The following NFATC3 variants were observed in gnomAD, a reference collection of about 807,000 sequenced individuals.
NFATC3 encodes the protein nuclear factor of activated T-cells, cytoplasmic 3.
In NFATC3, 46 loss-of-function variants were observed where a neutral mutation model predicts 98.6. The ratio of observed to expected loss-of-function variants is 0.47; its 90% CI spans 0.37 to 0.60. The LOEUF is 0.60. NFATC3 is among the 20% of genes least tolerant of loss of function. NFATC3 has a pLI of 0.00. For synonymous variants in NFATC3, 512 were observed against 472.2 expected, an observed-to-expected ratio of 1.08 and a Z score of -1.09; for missense variants, 1,256 against 1,295.5, an observed-to-expected ratio of 0.97 and a Z score of 0.47.
At chr16:68,117,450 C>T (rs2036340165) in intron 1 of NFATC3, among the ~76,000 whole-genome samples, 1 of 152,174 alleles carries the variant, frequency 6.6e-6, no homozygotes, top group African/African-American at 2.4e-5. Context: ...CCCTAGCTCT[C>T]ATTATTCTGC....
At chr16:68,097,394 A>G (rs942545255) in intron 1 of NFATC3, among the ~76,000 whole-genome samples, 4 of 152,260 alleles carry the variant, frequency 2.6e-5, no homozygotes, top group Admixed American at 1.3e-4. Context: ...GTGTATGTCT[A>G]GTTTGAAGCA....
At chr16:68,128,289 T>A (rs2036943515) in intron 3 of NFATC3, among the ~76,000 whole-genome samples, 1 of 152,156 alleles carries the variant, frequency 6.6e-6, no homozygotes, top group Non-Finnish European at 1.5e-5. Context: ...TATAGTTCTT[T>A]ACGTATAAAG....
In NFATC3 at chr16:68,122,656, G is replaced by T. The variant is rs1017275183; in HGVS notation, c.773G>T (p.Arg258Met). The T allele has an allele frequency of 1.9e-6, 3 of 1,614,000 alleles. No individual in the cohort carries two copies. Among genetic ancestry groups the T allele is most frequent in the Non-Finnish European group, 2.5e-6 (3 of 1,180,046 alleles). The change falls in exon 2 of 10, where the codon AGG becomes ATG. Residue 258 changes from arginine to methionine, a missense_variant. This residue lies in a region of NFATC3 where 464 missense variants were observed against 465.7 expected (regional missense o/e 1.00). Transcript: ENST00000346183. Reference protein sequence around the residue: ...SVTDENWLSPRPASGPSSRPT... With the variant: ...SVTDENWLSPMPASGPSSRPT... The stretch of plus-strand genomic sequence containing the variant: ...ACTGATGAGAATTGGCTGAGCCCCA[G>T]GCCAGCCTCAGGACCCTCATCAAGG...
chr16:68,168,957 A>G (rs982672289), intron 5 of NFATC3, among the ~76,000 whole-genome samples: 2 of 152,108 alleles, frequency 1.3e-5, no homozygotes, highest in East Asian at 1.9e-4. Context: ...TTTAAAAAAT[A>G]TATTCTTTGT....
chr16:68,136,553 G>A (rs1264901713), intron 3 of NFATC3, among the ~76,000 whole-genome samples: 1 of 152,168 alleles, frequency 6.6e-6, no homozygotes, highest in Non-Finnish European at 1.5e-5. Context: ...ATAGGTGTGA[G>A]CCACCACGCC....
At position 68,140,648 on chromosome 16, in the gene NFATC3, AT is replaced by A. The variant is rs553123270; in HGVS notation, c.1401+14049del. On this transcript the variant is annotated intron_variant, in intron 3 of 9. Coordinates refer to ENST00000346183, the MANE Select transcript of NFATC3 (RefSeq NM_173165.3). ...TAAAATTAATACAAAATGATCATGG[AT>A]TTTTTTTTTTAAATTGGAGATATTT... is the stretch of plus-strand genomic sequence containing the variant. 8.1e-4 allele frequency among the ~76,000 whole-genome samples: 121 copies of A among 148,736 alleles called. 1 individual carries two copies. The highest frequency in any genetic ancestry group is 2.0e-3 in the African/African-American group (83 of 40,736).
chr16:68,221,672 G>T, intron 9 of NFATC3: 1 of 825,170 alleles, frequency 1.2e-6, no homozygotes, highest in Non-Finnish European at 1.5e-6. Context: ...GTATAGTTGA[G>T]TATAGTCCGC....
chr16:68,221,379 G>T, intron 9 of NFATC3: 1 of 1,541,122 alleles, frequency 6.5e-7, no homozygotes, highest in South Asian at 1.2e-5. Flanking sequence ...TCAAGTTATT[G>T]CTAAAGGTCT....
Position 68,226,694 on chromosome 16 carries a change from A to G in NFATC3, c.*223A>G, listed in dbSNP as rs563815859. The G allele has an allele frequency of 5.2e-6, 2 of 388,044 alleles. No individual in the cohort carries two copies. The highest frequency in any genetic ancestry group is 9.0e-6 in the Non-Finnish European group (2 of 221,848). The allele number at this position is 388,044 out of a possible 1,614,324, so 24.0% of individuals were successfully genotyped here. ...TTTGGGGAAATGAACTTTGCTTTTT[A>G]TATTTAACTAGGATACTTTTATATG... On this transcript the variant is annotated 3_prime_UTR_variant, in exon 10 of 10. Coordinates refer to ENST00000346183, the MANE Select transcript of NFATC3 (RefSeq NM_173165.3).
At chr16:68,202,952 A>G (rs2040989937) in intron 9 of NFATC3, among the ~76,000 whole-genome samples, 2 of 152,158 alleles carry the variant, frequency 1.3e-5, no homozygotes, top group South Asian at 4.1e-4. Flanking sequence ...TAATGCTGAA[A>G]TTTCTCTTTT....
At chr16:68,106,746 T>G (rs984635546) in intron 1 of NFATC3, among the ~76,000 whole-genome samples, 24 of 152,024 alleles carry the variant, frequency 1.6e-4, no homozygotes, top group African/African-American at 5.1e-4. Flanking sequence ...TTTGTTGTTT[T>G]TTTTTTAATT....
intron 9 of NFATC3, among the ~76,000 whole-genome samples, chr16:68,219,575 ATAATAG>A (rs1385960200): frequency 1.3e-5 from 2 of 151,988 alleles, no homozygotes; most frequent in African/African-American, 4.8e-5. Context: ...TCCTAAAATA[ATAATAG>A]TAATAATAAT....
chr16:68,185,481 G>A (rs968805488), intron 8 of NFATC3, among the ~76,000 whole-genome samples: 3 of 152,132 alleles, frequency 2.0e-5, no homozygotes, highest in African/African-American at 4.8e-5. Context: ...TAACCTGAAT[G>A]AGAAAGAAGA....
intron 9 of NFATC3, chr16:68,221,596 C>T (rs1292982684): frequency 2.8e-5 from 30 of 1,076,456 alleles, no homozygotes; most frequent in Non-Finnish European, 1.1e-5. Context: ...AGAAAGTCTG[C>T]CCCGTTGGAA....
chr16:68,208,062 A>G (rs895278329), intron 9 of NFATC3, among the ~76,000 whole-genome samples: 1 of 151,778 alleles, frequency 6.6e-6, no homozygotes, highest in Admixed American at 6.6e-5. Context: ...TTGAGACGGA[A>G]TCTGGCTGTG....
chr16:68,168,311 T>A (rs1046811345), intron 5 of NFATC3, among the ~76,000 whole-genome samples: 3 of 151,710 alleles, frequency 2.0e-5, no homozygotes, highest in Admixed American at 2.0e-4. Flanking sequence ...TACAGGGGCA[T>A]GCCACCATAC....
intron 6 of NFATC3, among the ~76,000 whole-genome samples, chr16:68,179,720 G>A (rs1056674655): frequency 1.3e-5 from 2 of 152,208 alleles, no homozygotes; most frequent in Non-Finnish European, 2.9e-5. Flanking sequence ...CAGAAAATGT[G>A]TTGGCCAAAT....
intron 9 of NFATC3, among the ~76,000 whole-genome samples, chr16:68,211,702 A>G (rs962524455): frequency 1.8e-4 from 27 of 150,938 alleles, no homozygotes; most frequent in African/African-American, 6.6e-4. Flanking sequence ...TTGTGTTTTT[A>G]GTAGAGACGG....
At chr16:68,129,712 C>T (rs974587839) in intron 3 of NFATC3, among the ~76,000 whole-genome samples, 5 of 139,162 alleles carry the variant, frequency 3.6e-5, no homozygotes, top group African/African-American at 1.4e-4. Flanking sequence ...GGCTCTTGCT[C>T]TGTCACCTAG....
Sources: allele counts gnomAD v4.1 joint callset (sites outside exome capture counted in the v4.1 genomes callset), GRCh38; gene constraint gnomAD v4.1.1; regional missense constraint gnomAD v4.1.1; transcripts MANE v1.5; gene names NCBI Gene and HGNC (gene_info 2026-07-23, HGNC 2026-07-21).